The following STAG1 variants were observed in gnomAD, a reference collection of about 807,000 sequenced individuals.
STAG1 encodes cohesin subunit SA-1.
In STAG1, 26 loss-of-function variants were observed where a neutral mutation model predicts 170.9. That is an observed-to-expected ratio of 0.15 (90% CI 0.11 to 0.21). The LOEUF is 0.21. Among genes scored for constraint, STAG1 ranks in the 10% least tolerant of loss-of-function variants. STAG1 has a pLI of 1.00. For synonymous variants in STAG1, 514 were observed against 497.7 expected, an observed-to-expected ratio of 1.03 and a Z score of -0.44; for missense variants, 964 against 1,509.5, an observed-to-expected ratio of 0.64 and a Z score of 5.99.
At chr3:136,596,172 C>A (rs556654899) in intron 4 of STAG1, among the ~76,000 whole-genome samples, 1 of 152,290 alleles carries the variant, frequency 6.6e-6, no homozygotes, top group African/African-American at 2.4e-5. Context: ...TGAAATAGTT[C>A]TGTGGTAAAA....
intron 6 of STAG1, among the ~76,000 whole-genome samples, chr3:136,522,496 A>G (rs544772605): frequency 1.3e-5 from 2 of 152,206 alleles, no homozygotes; most frequent in South Asian, 2.1e-4. Flanking sequence ...TGCTGCTTCT[A>G]TATCACAAAA....
intron 5 of STAG1, among the ~76,000 whole-genome samples, chr3:136,554,098 T>C (rs944261458): frequency 1.3e-5 from 2 of 151,938 alleles, no homozygotes; most frequent in Admixed American, 6.6e-5. Context: ...AATATTCAAA[T>C]GAAACAGACT....
chr3:136,614,591 C>G (rs745459419), intron 3 of STAG1, among the ~76,000 whole-genome samples: 3 of 152,194 alleles, frequency 2.0e-5, no homozygotes, highest in Non-Finnish European at 4.4e-5. Context: ...AATCTAATCT[C>G]AGAATTTACA....
intron 1 of STAG1, among the ~76,000 whole-genome samples, chr3:136,655,258 G>C (rs1332799654): frequency 6.6e-6 from 1 of 152,152 alleles, no homozygotes; most frequent in Non-Finnish European, 1.5e-5. Context: ...TTAATATCCA[G>C]AACAAATAAC....
chr3:136,357,874 A>T, intron 27 of STAG1, 26 bp from the exon 28 acceptor site: 1 of 1,569,928 alleles, frequency 6.4e-7, no homozygotes, highest in South Asian at 1.2e-5. Flanking sequence ...ATATCAACTT[A>T]TTTTTCCAGA....
At chr3:136,571,642 C>G (rs148918405) in intron 4 of STAG1, among the ~76,000 whole-genome samples, 40 of 152,198 alleles carry the variant, frequency 2.6e-4, no homozygotes, top group African/African-American at 9.4e-4. Flanking sequence ...GAGGCCAAGG[C>G]AGGAGGATGA....
At chr3:136,545,612 G>A (rs536109706) in intron 5 of STAG1, among the ~76,000 whole-genome samples, 1 of 152,110 alleles carries the variant, frequency 6.6e-6, no homozygotes, top group African/African-American at 2.4e-5. Context: ...TGAGGAGGGG[G>A]TCTGGGGAAG....
chr3:136,725,070 C>T (rs150476609), intron 1 of STAG1, among the ~76,000 whole-genome samples: 1 of 152,230 alleles, frequency 6.6e-6, no homozygotes, highest in African/African-American at 2.4e-5. Flanking sequence ...TAGTCTAATA[C>T]TTAAAGTATT....
At chr3:136,613,757 G>A (rs1200635026) in intron 3 of STAG1, among the ~76,000 whole-genome samples, 1 of 152,134 alleles carries the variant, frequency 6.6e-6, no homozygotes, top group Non-Finnish European at 1.5e-5. Context: ...CAAAGTGCTA[G>A]AATTACAGGT....
chr3:136,338,454 GA>G lies in STAG1; in HGVS notation c.3673-5del. 2 of 1,612,150 alleles carry G rather than the reference GA, an allele frequency of 1.2e-6. No individual in the cohort carries two copies. Among genetic ancestry groups the G allele is most frequent in the East Asian group, 4.5e-5 (2 of 44,840 alleles). On this transcript the variant is annotated splice_polypyrimidine_tract_variant and splice_region_variant and intron_variant, in intron 32 of 33. Transcript: ENST00000383202. Reference sequence around the variant, plus strand: ...CTCGCCGATTTCTTGATGGAGGCTGGAAAGAGAAATCGGTTTCTTAATTTTT... The same window carrying G: ...CTCGCCGATTTCTTGATGGAGGCTGGAAGAGAAATCGGTTTCTTAATTTTT...
intron 21 of STAG1, among the ~76,000 whole-genome samples, chr3:136,412,047 A>C (rs1390208811): frequency 4.0e-5 from 6 of 151,844 alleles, no homozygotes. Context: ...AACAAACAAA[A>C]TCTAACGTAC....
intron 4 of STAG1, among the ~76,000 whole-genome samples, chr3:136,573,890 G>A (rs544520542): frequency 6.6e-6 from 1 of 152,194 alleles, no homozygotes; most frequent in African/African-American, 2.4e-5. Flanking sequence ...AGAATGGCGA[G>A]AACCTGGGAG....
At chr3:136,451,182 A>C (rs961178149) in intron 14 of STAG1, among the ~76,000 whole-genome samples, 3 of 149,958 alleles carry the variant, frequency 2.0e-5, no homozygotes, top group South Asian at 2.1e-4. Flanking sequence ...AAAAAAAAAA[A>C]CCCACACCAT....
intron 21 of STAG1, among the ~76,000 whole-genome samples, chr3:136,410,959 G>A (rs1310903474): frequency 6.6e-6 from 1 of 152,262 alleles, no homozygotes; most frequent in Non-Finnish European, 1.5e-5. Context: ...GGAGGCTGAA[G>A]CATGAGAATT....
At chr3:136,469,167 T>G (rs890381452) in intron 12 of STAG1, among the ~76,000 whole-genome samples, 1 of 152,064 alleles carries the variant, frequency 6.6e-6, no homozygotes, top group East Asian at 1.9e-4. Context: ...AAATAAAGGG[T>G]ATTCAATTAG....
At chr3:136,530,252 T>G (rs56769662) in intron 6 of STAG1, among the ~76,000 whole-genome samples, 1 of 152,318 alleles carries the variant, frequency 6.6e-6, no homozygotes, top group African/African-American at 2.4e-5. Flanking sequence ...TTACTAAATC[T>G]AAATAGACTC....
chr3:136,671,772 T>C (rs949192667), intron 1 of STAG1, among the ~76,000 whole-genome samples: 2 of 151,894 alleles, frequency 1.3e-5, no homozygotes, highest in African/African-American at 4.8e-5. Context: ...GTTCGTGTTA[T>C]TTTGCAGGCT....
At chr3:136,640,197 T>C (rs1234782410) in intron 1 of STAG1, among the ~76,000 whole-genome samples, 1 of 152,180 alleles carries the variant, frequency 6.6e-6, no homozygotes, top group Non-Finnish European at 1.5e-5. Flanking sequence ...TAACAAGTTG[T>C]AGTGGTTCAT....
intron 28 of STAG1, among the ~76,000 whole-genome samples, chr3:136,355,634 T>G (rs1262243043): frequency 6.6e-6 from 1 of 152,128 alleles, no homozygotes; most frequent in Non-Finnish European, 1.5e-5. Flanking sequence ...TGGTAACACA[T>G]TTTGTCAACT....
Sources: allele counts gnomAD v4.1 joint callset (sites outside exome capture counted in the v4.1 genomes callset), GRCh38; gene constraint gnomAD v4.1.1; transcripts MANE v1.5; gene names NCBI Gene and HGNC (gene_info 2026-07-23, HGNC 2026-07-21).